The following PDGFD variants were observed in gnomAD, a reference collection of about 807,000 sequenced individuals.
PDGFD encodes the protein platelet-derived growth factor D.
A neutral mutation model predicts 44.7 loss-of-function variants in PDGFD; 30 were observed. The ratio of observed to expected loss-of-function variants is 0.67; its 90% CI spans 0.50 to 0.91. The LOEUF (loss-of-function observed/expected upper bound fraction) is 0.91, where lower values mean the gene tolerates loss of function less well. Among genes scored for constraint, PDGFD ranks in the 40% least tolerant of loss-of-function variants. The probability of loss-of-function intolerance (pLI) is 0.00; values close to 1 mark genes in which losing one functional copy is unlikely to be tolerated. For missense variants in PDGFD, 445 were observed against 457.8 expected (o/e 0.97, Z 0.25); for synonymous variants, 173 against 168.4 (o/e 1.03, Z -0.21).
Position 104,164,131 on chromosome 11 carries a change from C to A in PDGFD, c.-204G>T. 1 of 445,826 alleles carries A rather than the reference C, an allele frequency of 2.2e-6. No homozygotes were observed. Among genetic ancestry groups the A allele is most frequent in the Non-Finnish European group, 4.0e-6 (1 of 252,950 alleles). 27.6% of individuals were successfully genotyped at this position (445,826 alleles called of 1,614,324 possible). On this transcript the variant is annotated 5_prime_UTR_variant, in exon 1 of 7. Transcript: ENST00000393158. ...GTGGGTGCCGCACTTCCTTGTGGTG[C>A]TGAGCTGATAAATGGTGACGGGACA... is the stretch of plus-strand genomic sequence containing the variant.
chr11:104,002,539 C>T (rs966187857), intron 1 of PDGFD, among the ~76,000 whole-genome samples: 5 of 152,190 alleles, frequency 3.3e-5, no homozygotes, highest in Non-Finnish European at 7.3e-5. Context: ...CCAATTAAAC[C>T]TCTGTTCTTA....
intron 1 of PDGFD, among the ~76,000 whole-genome samples, chr11:104,152,379 C>T (rs1052784461): frequency 3.3e-5 from 5 of 152,032 alleles, no homozygotes; most frequent in Non-Finnish European, 7.4e-5. Flanking sequence ...TGTTCAGTAG[C>T]AATTCTTATT....
At chr11:103,989,295 C>G (rs1202054711) in intron 3 of PDGFD, among the ~76,000 whole-genome samples, 1 of 152,164 alleles carries the variant, frequency 6.6e-6, no homozygotes, top group Admixed American at 6.5e-5. Flanking sequence ...ATAAGAACAC[C>G]TATATAACCC....
intron 1 of PDGFD, among the ~76,000 whole-genome samples, chr11:104,043,102 G>T (rs986524156): frequency 6.6e-6 from 1 of 152,088 alleles, no homozygotes; most frequent in Non-Finnish European, 1.5e-5. Context: ...TAGAAAAAAA[G>T]CAGAGTAAAA....
chr11:103,972,294 C>A (rs779209005), intron 3 of PDGFD, among the ~76,000 whole-genome samples: 1 of 152,144 alleles, frequency 6.6e-6, no homozygotes, highest in Non-Finnish European at 1.5e-5. Context: ...TCCTTACCCC[C>A]ACATTGTGAC....
At chr11:104,003,665 T>C (rs1487273374) in intron 1 of PDGFD, among the ~76,000 whole-genome samples, 4 of 152,228 alleles carry the variant, frequency 2.6e-5, no homozygotes, top group Admixed American at 2.6e-4. Flanking sequence ...AATGTAAGTT[T>C]GGTTTTGAAG....
chr11:103,966,463 GCAA>G (rs1229792919), intron 3 of PDGFD, among the ~76,000 whole-genome samples: 2 of 152,038 alleles, frequency 1.3e-5, no homozygotes, highest in Non-Finnish European at 2.9e-5. Context: ...CTTTTTAAGA[GCAA>G]CAACAACAAA....
At chr11:104,036,493 C>T in intron 1 of PDGFD, 1 of 341,518 alleles carries the variant, frequency 2.9e-6, no homozygotes. Flanking sequence ...GTTAAATAGG[C>T]TTTGAAGGGC....
In PDGFD at chr11:103,996,355, T is replaced by C. The variant is rs373953498; in HGVS notation, c.330-110A>G. 201 of 986,202 alleles carry C rather than the reference T, an allele frequency of 2.0e-4. No individual in the cohort carries two copies. In the South Asian group the frequency reaches 2.5e-3, roughly 12 times the overall value. 61.1% of individuals were successfully genotyped at this position (986,202 alleles called of 1,614,324 possible). Reference sequence around the variant, plus strand: ...TATATGATTTGTCATGACCACAATCTGAAATGAAAATTATAATGTACAGAA... The same window carrying C: ...TATATGATTTGTCATGACCACAATCCGAAATGAAAATTATAATGTACAGAA... On this transcript the variant is annotated intron_variant, in intron 2 of 6. Transcript: ENST00000393158.
At chr11:104,093,428 G>A (rs79053873) in intron 1 of PDGFD, among the ~76,000 whole-genome samples, 17,497 of 151,994 alleles carry the variant, frequency 0.12, 1,118 homozygotes, top group East Asian at 0.19. Flanking sequence ...GGAGCCAAGG[G>A]GTTCCTCTAG....
intron 1 of PDGFD, among the ~76,000 whole-genome samples, chr11:104,028,628 A>C (rs928327563): frequency 6.6e-6 from 1 of 150,436 alleles, no homozygotes; most frequent in Non-Finnish European, 1.5e-5. Flanking sequence ...TTTACAAGTT[A>C]TCCTTGGAAC....
intron 3 of PDGFD, among the ~76,000 whole-genome samples, chr11:103,949,673 T>C (rs1858718761): frequency 6.6e-6 from 1 of 152,166 alleles, no homozygotes; most frequent in African/African-American, 2.4e-5. Flanking sequence ...CATGAGGAAA[T>C]AAAAACTATC....
chr11:104,001,286 G>A lies in PDGFD; in HGVS notation c.125-1031C>T, dbSNP rs548324641. ...GGGATACACATTGATGTACTAGCAG[G>A]CTGATGTGTCCCGAGGACACAGAAG... is the stretch of plus-strand genomic sequence containing the variant. On this transcript the variant is annotated intron_variant, in intron 1 of 6. Transcript: ENST00000393158. Among the ~76,000 whole-genome samples the A allele has an allele frequency of 5.3e-5, 8 of 152,332 alleles. No individual in the cohort carries two copies. In the South Asian group the frequency reaches 1.7e-3, roughly 32 times the overall value.
chr11:104,149,044 G>C (rs983892315), intron 1 of PDGFD, among the ~76,000 whole-genome samples: 2 of 152,040 alleles, frequency 1.3e-5, no homozygotes. Context: ...TATATTACAT[G>C]TCTTTTGGAC....
At chr11:104,117,264 C>T (rs1222022697) in intron 1 of PDGFD, among the ~76,000 whole-genome samples, 1 of 151,982 alleles carries the variant, frequency 6.6e-6, no homozygotes, top group Admixed American at 6.6e-5. Context: ...GACAAACCCA[C>T]AGTCAAAACA....
At chr11:104,056,889 G>T (rs983383379) in intron 1 of PDGFD, among the ~76,000 whole-genome samples, 2 of 152,096 alleles carry the variant, frequency 1.3e-5, no homozygotes, top group African/African-American at 4.8e-5. Context: ...CAGCACTTTG[G>T]GAGGCCGAGG....
chr11:104,118,765 A>AATATTAATATATAATATATTATATATTAT (rs1174107792), intron 1 of PDGFD, among the ~76,000 whole-genome samples: 5 of 110,044 alleles, frequency 4.5e-5, no homozygotes, highest in African/African-American at 1.5e-4. Context: ...ATATATTATA[A>AATATTAATATATAATATATTATATATTAT]ATATTAATAT....
intron 1 of PDGFD, among the ~76,000 whole-genome samples, chr11:104,118,347 T>C (rs1289368636): frequency 2.0e-5 from 3 of 151,982 alleles, no homozygotes; most frequent in South Asian, 2.1e-4. Flanking sequence ...AATGAGAAGA[T>C]GGCCATCTAC....
chr11:103,981,746 T>C (rs964775387), intron 3 of PDGFD, among the ~76,000 whole-genome samples: 4 of 151,766 alleles, frequency 2.6e-5, no homozygotes. Flanking sequence ...TCTTGAGGCC[T>C]TAGTTAATAT....
Sources: allele counts gnomAD v4.1 joint callset (sites outside exome capture counted in the v4.1 genomes callset), GRCh38; gene constraint gnomAD v4.1.1; transcripts MANE v1.5; gene names NCBI Gene and HGNC (gene_info 2026-07-23, HGNC 2026-07-21).